WHR1: variants seen among roughly 807,000 people sequenced by gnomAD.
WHR1 encodes winged helix repair factor 1.
the WHR1 span, chr6:31,973,176 G>A: frequency 1.5e-5 from 6 of 399,412 alleles, no homozygotes; most frequent in Non-Finnish European, 2.9e-5. Flanking sequence ...CATCTGAGAA[G>A]TGGTGAAGGC....
the WHR1 span, among the ~76,000 whole-genome samples, chr6:31,978,493 G>A: frequency 1.3e-5 from 2 of 152,080 alleles, no homozygotes; most frequent in African/African-American, 2.4e-5. Flanking sequence ...TTCAACAGGT[G>A]GATTAGTTCT....
chr6:31,972,444 G>A, the WHR1 span: 1 of 1,613,084 alleles, frequency 6.2e-7, no homozygotes, highest in Middle Eastern at 1.6e-4. The surrounding 1 kb of genome is among the most constrained non-coding windows in gnomAD (Gnocchi z 6.3). Context: ...TGATCCCGGA[G>A]ACCTTTGGAG....
the WHR1 span, chr6:31,980,725 C>A: frequency 6.2e-7 from 1 of 1,608,994 alleles, no homozygotes; most frequent in South Asian, 1.1e-5. Context: ...GCTCCTGGGC[C>A]GGCGGGCGCC....
At chr6:31,980,729 G>A in the WHR1 span, 22 of 1,608,986 alleles carry the variant, frequency 1.4e-5, no homozygotes, top group Non-Finnish European at 1.4e-5. Context: ...CTGGGCCGGC[G>A]GGCGCCTGTC....
the WHR1 span, chr6:31,972,338 C>A: frequency 1.2e-6 from 2 of 1,613,130 alleles, no homozygotes. This position sits in a 1 kb window ranked among gnomAD's most constrained non-coding sequence, Gnocchi z 6.3. Flanking sequence ...CACTGCTCTG[C>A]GCCGGAAGAC....
At chr6:31,978,969 A>G in the WHR1 span, 2 of 1,612,284 alleles carry the variant, frequency 1.2e-6, no homozygotes, top group Non-Finnish European at 1.7e-6. Context: ...TGCCCATGGA[A>G]TTATCTTCAC....
At chr6:31,975,350 C>T in the WHR1 span, among the ~76,000 whole-genome samples, 8 of 151,964 alleles carry the variant, frequency 5.3e-5, no homozygotes, top group East Asian at 1.9e-4. Context: ...TACAGGCACG[C>T]GCCACCATGC....
the WHR1 span, chr6:31,971,672 C>T: frequency 6.2e-6 from 10 of 1,603,176 alleles, no homozygotes; most frequent in Non-Finnish European, 7.6e-6. This position sits in a 1 kb window ranked among gnomAD's most constrained non-coding sequence, Gnocchi z 4.5. Flanking sequence ...CCCCTGGGAT[C>T]CATGAGGTCC....
At chr6:31,972,125 T>G in the WHR1 span, 1 of 1,612,842 alleles carries the variant, frequency 6.2e-7, no homozygotes, top group Non-Finnish European at 8.5e-7. This position sits in a 1 kb window ranked among gnomAD's most constrained non-coding sequence, Gnocchi z 6.3. Context: ...CCGGCGCCCC[T>G]CCACGCCGCC....
At chr6:31,971,771 C>A in the WHR1 span, 4 of 1,393,662 alleles carry the variant, frequency 2.9e-6, no homozygotes, top group Non-Finnish European at 3.8e-6. This position sits in a 1 kb window ranked among gnomAD's most constrained non-coding sequence, Gnocchi z 4.5. Flanking sequence ...CACCTGATCG[C>A]CAGGCTCTGG....
chr6:31,971,189 T>A, the WHR1 span: 1 of 1,596,640 alleles, frequency 6.3e-7, no homozygotes, highest in Non-Finnish European at 8.5e-7. This position sits in a 1 kb window ranked among gnomAD's most constrained non-coding sequence, Gnocchi z 4.5. Flanking sequence ...GACACAAGCA[T>A]TAGTGAGATG....
At chr6:31,971,609 G>A in the WHR1 span, 1 of 1,613,308 alleles carries the variant, frequency 6.2e-7, no homozygotes, top group East Asian at 2.2e-5. The surrounding 1 kb of genome is among the most constrained non-coding windows in gnomAD (Gnocchi z 4.5). Context: ...GCTGGACGAG[G>A]TAGTTTGTTC....
the WHR1 span, chr6:31,972,320 C>G: frequency 1.2e-6 from 2 of 1,613,030 alleles, no homozygotes; most frequent in Non-Finnish European, 1.7e-6. The surrounding 1 kb of genome is among the most constrained non-coding windows in gnomAD (Gnocchi z 6.3). Flanking sequence ...CCCGGGGAGA[C>G]CGTACGTCAC....
the WHR1 span, chr6:31,971,198 T>C: frequency 3.1e-6 from 5 of 1,589,286 alleles, no homozygotes; most frequent in African/African-American, 4.0e-5. This position sits in a 1 kb window ranked among gnomAD's most constrained non-coding sequence, Gnocchi z 4.5. Context: ...ATTAGTGAGA[T>C]GCTCCCCTCG....
At chr6:31,975,201 CTTT>C in the WHR1 span, among the ~76,000 whole-genome samples, 10 of 136,910 alleles carry the variant, frequency 7.3e-5, no homozygotes, top group Admixed American at 2.2e-4. Flanking sequence ...TTAGTTTTCC[CTTT>C]TTTTTTTTTT....
chr6:31,980,758 A>G, the WHR1 span: 5 of 1,603,216 alleles, frequency 3.1e-6, no homozygotes, highest in Non-Finnish European at 4.3e-6. Flanking sequence ...GCTTGGCCTC[A>G]CCTACCATGT....
At chr6:31,972,045 T>C in the WHR1 span, 2 of 1,611,652 alleles carry the variant, frequency 1.2e-6, no homozygotes, top group Admixed American at 1.7e-5. This position sits in a 1 kb window ranked among gnomAD's most constrained non-coding sequence, Gnocchi z 6.3. Context: ...TCAGCGACAG[T>C]GGCGGGCAAA....
the WHR1 span, among the ~76,000 whole-genome samples, chr6:31,975,639 C>T: frequency 7.2e-6 from 1 of 139,034 alleles, no homozygotes; most frequent in African/African-American, 2.6e-5. Flanking sequence ...GATAATTCCA[C>T]TATTTTTTTT....
the WHR1 span, chr6:31,979,157 G>A: frequency 1.6e-6 from 1 of 642,958 alleles, no homozygotes; most frequent in South Asian, 2.0e-5. Context: ...ATGAGGGAGA[G>A]AGACAGGAGG....
Sources: allele counts gnomAD v4.1 joint callset (sites outside exome capture counted in the v4.1 genomes callset), GRCh38; gene constraint gnomAD v4.1.1; non-coding constraint Gnocchi (gnomAD v3.1); transcripts MANE v1.5; gene names NCBI Gene and HGNC (gene_info 2026-07-23, HGNC 2026-07-21).